The following CSMD1 variants were observed in gnomAD, a reference collection of about 807,000 sequenced individuals.
CSMD1 encodes the protein CUB and Sushi multiple domains 1, also known as CUB and sushi domain-containing protein 1.
Under a neutral mutation model 417.5 loss-of-function variants are expected in CSMD1, and 213 were observed. That is an observed-to-expected ratio of 0.51 (90% confidence interval 0.46 to 0.57). CSMD1 has a LOEUF of 0.57. Ranked by LOEUF, CSMD1 falls within the 20% of genes least tolerant of loss-of-function variation. The pLI, the probability that CSMD1 is intolerant of heterozygous loss-of-function variation, is 0.00. For missense variants in CSMD1, 6,923 were observed against 4,529.7 expected (o/e 1.53, Z -15.17); for synonymous variants, 2,862 against 1,736.8 (o/e 1.65, Z -16.11).
intron 12 of CSMD1, among the ~76,000 whole-genome samples, chr8:3,412,744 C>G (rs555932461): frequency 1.3e-5 from 2 of 152,308 alleles, no homozygotes; most frequent in South Asian, 2.1e-4. Context: ...ATAGAGAACA[C>G]CTTTGCTTAA....
chr8:4,585,100 A>G (rs1048050992), intron 2 of CSMD1, among the ~76,000 whole-genome samples: 11 of 59,606 alleles, frequency 1.8e-4, no homozygotes, highest in Admixed American at 3.1e-4. Flanking sequence ...AAAACTGAGA[A>G]AAAAAAAAAA....
chr8:4,405,022 G>C (rs889707363), intron 3 of CSMD1, among the ~76,000 whole-genome samples: 6 of 152,192 alleles, frequency 3.9e-5, no homozygotes, highest in African/African-American at 1.4e-4. Flanking sequence ...ATAAAACTGA[G>C]GTTTAAACTA....
intron 25 of CSMD1, among the ~76,000 whole-genome samples, chr8:3,301,652 C>G (rs757900871): frequency 1.3e-5 from 2 of 152,180 alleles, no homozygotes; most frequent in African/African-American, 4.8e-5. Context: ...GTCAAGCTTT[C>G]TTTGTCCTGA....
intron 6 of CSMD1, among the ~76,000 whole-genome samples, chr8:3,712,398 GAGACAGAC>G (rs71203463): frequency 5.9e-4 from 17 of 28,928 alleles, no homozygotes; most frequent in East Asian, 3.8e-3. Flanking sequence ...GAGAGAGAGA[GAGACAGAC>G]AGACAGACAG....
intron 5 of CSMD1, among the ~76,000 whole-genome samples, chr8:3,893,336 A>ATT (rs1348033479): frequency 2.5e-4 from 4 of 15,732 alleles, no homozygotes; most frequent in Admixed American, 2.5e-3. Context: ...AATATTCACA[A>ATT]TTTTATATAT....
At chr8:4,718,375 T>G (rs1217518238) in intron 1 of CSMD1, among the ~76,000 whole-genome samples, 1 of 152,196 alleles carries the variant, frequency 6.6e-6, no homozygotes, top group Non-Finnish European at 1.5e-5. Flanking sequence ...ATACATAAAT[T>G]GGAGTCAACT....
At chr8:3,157,077 C>T (rs546073589) in intron 39 of CSMD1, among the ~76,000 whole-genome samples, 4 of 151,772 alleles carry the variant, frequency 2.6e-5, no homozygotes, top group African/African-American at 7.3e-5. Context: ...TTGGAGAAGC[C>T]GATCACTTTG....
intron 5 of CSMD1, among the ~76,000 whole-genome samples, chr8:3,901,745 T>C (rs1807768615): frequency 6.6e-6 from 1 of 152,234 alleles, no homozygotes; most frequent in Non-Finnish European, 1.5e-5. Flanking sequence ...GGCTTAACGC[T>C]TTTCGATGTG....
In CSMD1 at chr8:4,747,600, G is replaced by C. The variant is rs79523245; in HGVS notation, c.86-110042C>G. Among the ~76,000 whole-genome samples, 876 of 152,240 alleles carry C rather than the reference G, an allele frequency of 5.8e-3. 11 individuals are homozygous for C. The highest frequency in any genetic ancestry group is 0.02 in the African/African-American group (837 of 41,544). On this transcript the variant is annotated intron_variant, in intron 1 of 69. Coordinates refer to ENST00000635120, the MANE Select transcript of CSMD1 (RefSeq NM_033225.6). ...ACCTGCTAAATACACTGAATGTTGT[G>C]CTTCTCTCTTTATTCTGGAGTTAGC...
chr8:4,230,881 T>G (rs1230013381), intron 3 of CSMD1, among the ~76,000 whole-genome samples: 1 of 152,184 alleles, frequency 6.6e-6, no homozygotes, highest in Non-Finnish European at 1.5e-5. Context: ...GGCACTAACT[T>G]GAGTCACCAC....
chr8:3,668,043 C>T (rs541858463), intron 7 of CSMD1, among the ~76,000 whole-genome samples: 3 of 152,252 alleles, frequency 2.0e-5, no homozygotes, highest in Admixed American at 6.5e-5. Flanking sequence ...AGTCCCCATC[C>T]CAAGGATGAG....
chr8:3,432,302 T>C (rs1304116449), intron 12 of CSMD1, among the ~76,000 whole-genome samples: 4 of 152,088 alleles, frequency 2.6e-5, no homozygotes, highest in African/African-American at 7.2e-5. Flanking sequence ...AAATGAAAGA[T>C]AGACGGTTAA....
chr8:4,043,580 G>A (rs768573222), intron 3 of CSMD1, among the ~76,000 whole-genome samples: 3 of 152,204 alleles, frequency 2.0e-5, no homozygotes, highest in Non-Finnish European at 4.4e-5. Context: ...TGGCCGCCTT[G>A]AGGGGGAAAT....
chr8:4,571,570 T>C (rs1039721285), intron 2 of CSMD1, among the ~76,000 whole-genome samples: 2 of 152,166 alleles, frequency 1.3e-5, no homozygotes, highest in Admixed American at 6.5e-5. Flanking sequence ...AATTATGTGG[T>C]CCATTTTAGA....
chr8:3,575,852 T>C (rs1448143514), intron 9 of CSMD1, among the ~76,000 whole-genome samples: 3 of 152,100 alleles, frequency 2.0e-5, no homozygotes, highest in African/African-American at 7.2e-5. Context: ...GAGTTTTTTT[T>C]TTTTTAAATC....
intron 12 of CSMD1, among the ~76,000 whole-genome samples, chr8:3,438,263 C>A (rs959942033): frequency 1.3e-5 from 2 of 152,150 alleles, no homozygotes; most frequent in Non-Finnish European, 2.9e-5. Flanking sequence ...TTACAAAGAT[C>A]TTGTGTAACC....
At chr8:4,172,422 A>G (rs1363183419) in intron 3 of CSMD1, among the ~76,000 whole-genome samples, 1 of 152,134 alleles carries the variant, frequency 6.6e-6, no homozygotes, top group Non-Finnish European at 1.5e-5. Context: ...CTCCCGCGTT[A>G]CACAGCATAG....
At chr8:3,141,936 T>A (rs1395937705) in intron 41 of CSMD1, among the ~76,000 whole-genome samples, 1 of 151,750 alleles carries the variant, frequency 6.6e-6, no homozygotes, top group Non-Finnish European at 1.5e-5. Context: ...TAGCTGGGAC[T>A]ACAGGCGCCC....
intron 6 of CSMD1, among the ~76,000 whole-genome samples, chr8:3,738,234 A>G (rs1452297573): frequency 1.3e-5 from 2 of 152,248 alleles, no homozygotes; most frequent in Non-Finnish European, 2.9e-5. Flanking sequence ...TATGCTACTT[A>G]AAAAGCAAGA....
Sources: gnomAD v4.1 joint callset for allele counts (sites outside exome capture counted in the v4.1 genomes callset) on GRCh38, gnomAD v4.1.1 for gene constraint, MANE v1.5 for transcripts, NCBI Gene and HGNC (gene_info 2026-07-23, HGNC 2026-07-21) for gene names.